LDLRAD4: variants seen among roughly 807,000 people sequenced by gnomAD.
LDLRAD4 encodes low density lipoprotein receptor class A domain containing 4.
Under a neutral mutation model 17.0 loss-of-function variants are expected in LDLRAD4, and 5 were observed. That is an observed-to-expected ratio of 0.29 (90% CI 0.15 to 0.62). LDLRAD4 has a LOEUF of 0.62. Ranked by LOEUF, LDLRAD4 falls within the 20% of genes least tolerant of loss-of-function variation. The pLI is 0.84. For synonymous variants in LDLRAD4, 168 were observed against 171.8 expected, an observed-to-expected ratio of 0.98 and a Z score of 0.17; for missense variants, 340 against 424.7, an observed-to-expected ratio of 0.80 and a Z score of 1.75.
chr18:13,370,120 A>G (rs561624332), intron 1 of LDLRAD4, among the ~76,000 whole-genome samples: 6 of 152,356 alleles, frequency 3.9e-5, no homozygotes, highest in East Asian at 1.9e-4. Flanking sequence ...ATAGCAAAGT[A>G]TTTTCCAGGA....
intron 3 of LDLRAD4, chr18:13,613,055 G>GT: frequency 9.8e-6 from 3 of 304,640 alleles, no homozygotes; most frequent in Admixed American, 4.8e-5. Context: ...TTGGAGTTTT[G>GT]TTTTTTTCAA....
At chr18:13,558,645 C>T (rs556490757) in intron 3 of LDLRAD4, among the ~76,000 whole-genome samples, 300 of 152,296 alleles carry the variant, frequency 2.0e-3, no homozygotes, top group Non-Finnish European at 3.5e-3. Flanking sequence ...ACGAGTCCCA[C>T]GAGGACTTCA....
chr18:13,299,154 T>C (rs1471161748), intron 1 of LDLRAD4, among the ~76,000 whole-genome samples: 1 of 152,222 alleles, frequency 6.6e-6, no homozygotes, highest in Non-Finnish European at 1.5e-5. Flanking sequence ...AGGGGCTTGC[T>C]TACACTGTGC....
intron 4 of LDLRAD4, among the ~76,000 whole-genome samples, chr18:13,629,068 C>A (rs141650510): frequency 6.6e-6 from 1 of 152,302 alleles, no homozygotes; most frequent in Middle Eastern, 3.4e-3. Flanking sequence ...TTGCCTCAAA[C>A]GATCTTCCCA....
intron 3 of LDLRAD4, chr18:13,472,847 A>G (rs933982224): frequency 7.9e-5 from 12 of 152,230 alleles, no homozygotes; most frequent in Admixed American, 7.9e-4. Context: ...CAGCGAGCAC[A>G]TCTGAGCAAA....
intron 4 of LDLRAD4, among the ~76,000 whole-genome samples, chr18:13,642,913 G>C (rs921436536): frequency 1.4e-5 from 2 of 145,478 alleles, no homozygotes; most frequent in Non-Finnish European, 3.0e-5. Flanking sequence ...TTGTTTGTTT[G>C]TTTATCTATT....
At chr18:13,229,146 G>C (rs993700789) in intron 1 of LDLRAD4, among the ~76,000 whole-genome samples, 1 of 152,244 alleles carries the variant, frequency 6.6e-6, no homozygotes, top group Non-Finnish European at 1.5e-5. Context: ...GCGCCAGCCT[G>C]TGTGTCAGCT....
At chr18:13,465,277 C>T (rs1457323087) in intron 3 of LDLRAD4, among the ~76,000 whole-genome samples, 1 of 151,670 alleles carries the variant, frequency 6.6e-6, no homozygotes, top group Non-Finnish European at 1.5e-5. Flanking sequence ...CACGCCCTCT[C>T]TTTATTCTCA....
rs1419347968 is a variant in LDLRAD4 at position 13,367,418 on chromosome 18, A to AACTGCGTGGGGC, written c.-382-19919_-382-19908dup. ...GGGGGCGAGGGGGTCTCAGGCATTG[A>AACTGCGTGGGGC]ACTGCGTGGGGCACTCCATGGGGCA... On this transcript the variant is annotated intron_variant, in intron 1 of 5. Coordinates refer to ENST00000359446, the Ensembl canonical transcript of LDLRAD4. The surrounding 1 kb of genome is among the most constrained non-coding windows in gnomAD (Gnocchi z 4.1). Among the ~76,000 whole-genome samples the AACTGCGTGGGGC allele has an allele frequency of 3.3e-5, 5 of 152,056 alleles. No homozygotes were observed. The highest frequency in any genetic ancestry group is 4.8e-5 in the African/African-American group (2 of 41,386).
At chr18:13,475,663 C>T (rs1294335565) in intron 3 of LDLRAD4, among the ~76,000 whole-genome samples, 1 of 152,156 alleles carries the variant, frequency 6.6e-6, no homozygotes, top group Admixed American at 6.5e-5. Context: ...CACAAGAAAT[C>T]TTGTGAACAG....
At chr18:13,461,634 G>A (rs771938687) in intron 3 of LDLRAD4, among the ~76,000 whole-genome samples, 6 of 152,166 alleles carry the variant, frequency 3.9e-5, no homozygotes, top group South Asian at 2.1e-4. Context: ...ACTCTCTAGC[G>A]GTTTCCCATT....
chr18:13,583,954 C>G (rs1295793849), intron 3 of LDLRAD4, among the ~76,000 whole-genome samples: 1 of 152,138 alleles, frequency 6.6e-6, no homozygotes, highest in African/African-American at 2.4e-5. Flanking sequence ...ACAGGCCTGC[C>G]GTGCCCTTCC....
chr18:13,644,913 G>A, intron 5 of LDLRAD4: 2 of 555,154 alleles, frequency 3.6e-6, no homozygotes, highest in Non-Finnish European at 3.2e-6. Context: ...TGGATGCGCT[G>A]GGATTTGGCA....
intron 3 of LDLRAD4, among the ~76,000 whole-genome samples, chr18:13,473,697 A>C (rs989710314): frequency 1.0e-4 from 14 of 137,878 alleles, no homozygotes; most frequent in African/African-American, 2.9e-4. Flanking sequence ...CATTTTATAT[A>C]TATTTATAAT....
At chr18:13,569,947 A>G (rs1336533688) in intron 3 of LDLRAD4, among the ~76,000 whole-genome samples, 1 of 152,288 alleles carries the variant, frequency 6.6e-6, no homozygotes, top group East Asian at 1.9e-4. Context: ...AGTTATTTAT[A>G]TTTAGTTTTT....
At chr18:13,638,826 C>T (rs1347581232) in intron 4 of LDLRAD4, among the ~76,000 whole-genome samples, 1 of 152,184 alleles carries the variant, frequency 6.6e-6, no homozygotes, top group Non-Finnish European at 1.5e-5. Context: ...TGTGCAGAGC[C>T]CCTGTCTCCC....
intron 1 of LDLRAD4, among the ~76,000 whole-genome samples, chr18:13,298,340 A>T (rs2046384473): frequency 6.7e-6 from 1 of 148,744 alleles, no homozygotes; most frequent in South Asian, 2.1e-4. Context: ...ACGGTGATGG[A>T]CCTGCTCTAG....
intron 1 of LDLRAD4, among the ~76,000 whole-genome samples, chr18:13,363,194 T>C (rs1423732963): frequency 6.6e-6 from 1 of 151,086 alleles, no homozygotes; most frequent in Non-Finnish European, 1.5e-5. Flanking sequence ...TAGCCAGGCG[T>C]GGTGGTGGGT....
intron 3 of LDLRAD4, among the ~76,000 whole-genome samples, chr18:13,551,753 A>G (rs909657425): frequency 2.0e-5 from 3 of 152,200 alleles, no homozygotes; most frequent in East Asian, 1.9e-4. Context: ...ATATGGGCCT[A>G]TCAAGTGAGC....
Sources: allele counts gnomAD v4.1 joint callset (sites outside exome capture counted in the v4.1 genomes callset), GRCh38; gene constraint gnomAD v4.1.1; non-coding constraint Gnocchi (gnomAD v3.1); transcripts MANE v1.5; gene names NCBI Gene and HGNC (gene_info 2026-07-23, HGNC 2026-07-21).